Variants in TWIST2 observed in about 807,000 individuals in gnomAD.
TWIST2 encodes the protein twist family bHLH transcription factor 2.
TWIST2 carries 1 observed loss-of-function variant against 11.6 expected under a neutral mutation model. The observed-to-expected ratio is 0.09, with a 90% CI of 0.03 to 0.41. The LOEUF (loss-of-function observed/expected upper bound fraction) is 0.41, where lower values mean the gene tolerates loss of function less well. TWIST2 is among the 10% of genes least tolerant of loss of function. TWIST2 has a pLI of 0.98. For synonymous variants in TWIST2, 87 were observed against 96.6 expected (o/e 0.90, Z 0.58); for missense variants, 168 against 226.4 (o/e 0.74, Z 1.66).
chr2:238,906,007 G>A (rs1027396890), intron 1 of TWIST2, among the ~76,000 whole-genome samples: 2 of 151,872 alleles, frequency 1.3e-5, no homozygotes, highest in East Asian at 1.9e-4. Flanking sequence ...GTGCGTGTGC[G>A]TGTGTGGTTT....
intron 1 of TWIST2, among the ~76,000 whole-genome samples, chr2:238,873,243 G>A (rs1692741406): frequency 6.6e-6 from 1 of 152,150 alleles, no homozygotes; most frequent in Non-Finnish European, 1.5e-5. Flanking sequence ...TTAGAGACCG[G>A]GATGTGGCGG....
intron 1 of TWIST2, among the ~76,000 whole-genome samples, chr2:238,882,430 G>T (rs72988237): frequency 0.12 from 18,674 of 152,290 alleles, 1,184 homozygotes; most frequent in African/African-American, 0.16. Context: ...AGCCTGGACA[G>T]AAATGCAAAC....
chr2:238,876,176 C>T (rs139493458), intron 1 of TWIST2, among the ~76,000 whole-genome samples: 8,471 of 152,292 alleles, frequency 0.056, 494 homozygotes, highest in East Asian at 0.29. Context: ...TTGGGAAGTT[C>T]AGGAACGGCT....
intron 1 of TWIST2, among the ~76,000 whole-genome samples, chr2:238,871,602 C>T (rs1180557917): frequency 7.5e-6 from 1 of 133,680 alleles, no homozygotes; most frequent in Non-Finnish European, 1.6e-5. Flanking sequence ...ACACACAGCA[C>T]ACCCCACTCA....
intron 1 of TWIST2, among the ~76,000 whole-genome samples, chr2:238,870,608 TCACATACC>T (rs1692663534): frequency 5.1e-5 from 1 of 19,596 alleles, no homozygotes; most frequent in Non-Finnish European, 9.0e-5. Flanking sequence ...CACACACACA[TCACATACC>T]ACACACAAAC....
At chr2:238,875,226 G>A (rs151328043) in intron 1 of TWIST2, among the ~76,000 whole-genome samples, 12,578 of 152,018 alleles carry the variant, frequency 0.083, 748 homozygotes, top group Non-Finnish European at 0.12. Flanking sequence ...GGCCATGGTG[G>A]ACCCAGCTCT....
intron 1 of TWIST2, among the ~76,000 whole-genome samples, chr2:238,861,927 C>T (rs1307793393): frequency 2.0e-5 from 3 of 152,192 alleles, no homozygotes; most frequent in Non-Finnish European, 2.9e-5. Flanking sequence ...TATAGGGTTC[C>T]GTACCATCCT....
chr2:238,893,131 T>C (rs1477331794), intron 1 of TWIST2, among the ~76,000 whole-genome samples: 10 of 152,196 alleles, frequency 6.6e-5, no homozygotes, highest in African/African-American at 2.2e-4. Flanking sequence ...GGACCTGGCA[T>C]TGAATTATAG....
At chr2:238,850,496 T>C (rs1035757681) in intron 1 of TWIST2, among the ~76,000 whole-genome samples, 1 of 152,220 alleles carries the variant, frequency 6.6e-6, no homozygotes, top group African/African-American at 2.4e-5. Context: ...AAGGAAAATG[T>C]CACTTTAATT....
chr2:238,909,209 T>TG (rs1484392515), intron 1 of TWIST2, among the ~76,000 whole-genome samples: 33,737 of 35,746 alleles, frequency 0.94, 16,500 homozygotes, highest in African/African-American at 0.96. Flanking sequence ...TGTGTGTATG[T>TG]GGGGTGGGGT....
intron 1 of TWIST2, among the ~76,000 whole-genome samples, chr2:238,879,082 G>T (rs1692858350): frequency 6.6e-6 from 1 of 152,202 alleles, no homozygotes; most frequent in Admixed American, 6.5e-5. Context: ...AGCACAAAAG[G>T]CAAGCTGACT....
At chr2:238,906,346 T>C (rs1018643829) in intron 1 of TWIST2, among the ~76,000 whole-genome samples, 1 of 150,264 alleles carries the variant, frequency 6.7e-6, no homozygotes, top group African/African-American at 2.5e-5. Flanking sequence ...ACACACACAC[T>C]GACACACGGA....
At chr2:238,876,345 C>G (rs1354385013) in intron 1 of TWIST2, among the ~76,000 whole-genome samples, 1 of 152,178 alleles carries the variant, frequency 6.6e-6, no homozygotes, top group Non-Finnish European at 1.5e-5. Context: ...GTCTCCTGAA[C>G]TGGCCCTACA....
chr2:238,903,641 T>TATGGGGCGTGTGTGATGTGGA (rs1693308655), intron 1 of TWIST2, among the ~76,000 whole-genome samples: 1 of 13,136 alleles, frequency 7.6e-5, no homozygotes, highest in South Asian at 9.8e-3. Context: ...GTGTGTGTGA[T>TATGGGGCGTGTGTGATGTGGA]GTGTGATGTG....
chr2:238,868,570 G>A (rs1248245240), intron 1 of TWIST2, among the ~76,000 whole-genome samples: 1 of 152,126 alleles, frequency 6.6e-6, no homozygotes, highest in Non-Finnish European at 1.5e-5. Flanking sequence ...AACCAAACTG[G>A]CCCTTCTTGA....
intron 1 of TWIST2, among the ~76,000 whole-genome samples, chr2:238,849,089 GC>G (rs200646654): frequency 0.066 from 9,993 of 152,138 alleles, 1,102 homozygotes; most frequent in African/African-American, 0.23. Context: ...ACCTCCTGGG[GC>G]CGGCTGGGGA....
intron 1 of TWIST2, among the ~76,000 whole-genome samples, chr2:238,880,132 AGT>A (rs1018655079): frequency 3.5e-4 from 48 of 137,574 alleles, no homozygotes; most frequent in African/African-American, 1.3e-3. Context: ...CGTTAGTATT[AGT>A]GTGTTAGTGT....
intron 1 of TWIST2, among the ~76,000 whole-genome samples, chr2:238,857,170 G>A (rs772502060): frequency 1.3e-5 from 2 of 152,114 alleles, no homozygotes; most frequent in East Asian, 1.9e-4. Flanking sequence ...CATGACGGGC[G>A]GGCCCTCCCA....
At position 238,902,661 on chromosome 2, in the gene TWIST2, TGTG is replaced by T. The variant is rs1323312976; in HGVS notation, c.*36-7180_*36-7178del. 6.3e-3 allele frequency among the ~76,000 whole-genome samples: 780 copies of T among 124,168 alleles called. 11 individuals carry two copies. Among genetic ancestry groups the T allele is most frequent in the African/African-American group, 0.022 (729 of 33,076 alleles). 81.5% of individuals were successfully genotyped at this position (124,168 alleles called of 152,430 possible). A position where few individuals can be genotyped will look rare whatever the true frequency, so the allele number is the denominator to read the frequency against. ...GAGGTGTGTGATGGTGTGTGTGTGA[TGTG>T]TGTGTGATGTGGGGTGTGTGTGATA... On this transcript the variant is annotated intron_variant, in intron 1 of 1. Coordinates refer to ENST00000612363, the MANE Select transcript of TWIST2 (RefSeq NM_001271893.4).
Sources: gnomAD v4.1 joint callset for allele counts (sites outside exome capture counted in the v4.1 genomes callset) on GRCh38, gnomAD v4.1.1 for gene constraint, MANE v1.5 for transcripts, NCBI Gene and HGNC (gene_info 2026-07-23, HGNC 2026-07-21) for gene names.